STX12: variants seen among roughly 807,000 people sequenced by gnomAD.
STX12 encodes syntaxin-12.
STX12 carries 17 observed loss-of-function variants against 42.2 expected under a neutral mutation model. The observed-to-expected ratio is 0.40, with a 90% confidence interval of 0.28 to 0.60. The LOEUF is 0.60. STX12 is among the 20% of genes least tolerant of loss of function. STX12 has a pLI of 0.39. For missense variants in STX12, 297 were observed against 330.9 expected, an observed-to-expected ratio of 0.90 and a Z score of 0.79; for synonymous variants, 108 against 116.7, an observed-to-expected ratio of 0.93 and a Z score of 0.48.
At chr1:27,781,867 C>A (rs993904015) in intron 1 of STX12, among the ~76,000 whole-genome samples, 2 of 152,108 alleles carry the variant, frequency 1.3e-5, no homozygotes, top group African/African-American at 4.8e-5. Flanking sequence ...GTACATTTTT[C>A]TTGGTCTTGA....
intron 2 of STX12, among the ~76,000 whole-genome samples, chr1:27,790,712 C>T (rs556277420): frequency 5.2e-4 from 78 of 151,440 alleles, no homozygotes; most frequent in African/African-American, 1.5e-3. Flanking sequence ...GAGGCTGAGG[C>T]GGGCAGATCA....
At chr1:27,813,519 G>A (rs1260844854) in intron 6 of STX12, among the ~76,000 whole-genome samples, 8 of 152,146 alleles carry the variant, frequency 5.3e-5, no homozygotes, top group East Asian at 3.8e-4. Flanking sequence ...AGTTTTCTCC[G>A]AAGGTAGAAG....
intron 8 of STX12, among the ~76,000 whole-genome samples, chr1:27,821,410 T>C (rs191875251): frequency 4.5e-4 from 69 of 152,280 alleles, no homozygotes; most frequent in Middle Eastern, 6.8e-3. Flanking sequence ...AAAATGTTTA[T>C]ACTAAACATT....
chr1:27,773,447 G>T, intron 1 of STX12, 22 bp downstream of exon 1: 1 of 1,609,252 alleles, frequency 6.2e-7, no homozygotes, highest in Non-Finnish European at 8.5e-7. Flanking sequence ...TACCGAGCTG[G>T]GGGGCGGGAG....
At chr1:27,798,576 C>T (rs527755101) in intron 3 of STX12, among the ~76,000 whole-genome samples, 2 of 144,918 alleles carry the variant, frequency 1.4e-5, no homozygotes, top group Admixed American at 7.2e-5. Flanking sequence ...ACCCAGGAGG[C>T]GGAGGTTGCA....
chr1:27,817,098 AGAAAG>A (rs1266531274), intron 6 of STX12, among the ~76,000 whole-genome samples: 1 of 150,922 alleles, frequency 6.6e-6, no homozygotes, highest in African/African-American at 2.4e-5. Flanking sequence ...GGAAGAAAAA[AGAAAG>A]GGAGGGAGAG....
intron 7 of STX12, among the ~76,000 whole-genome samples, chr1:27,818,365 A>G (rs992870208): frequency 2.0e-5 from 3 of 151,070 alleles, no homozygotes. Flanking sequence ...TGGGTGACAG[A>G]ATGAGACTTC....
intron 4 of STX12, among the ~76,000 whole-genome samples, chr1:27,807,661 A>G (rs917168602): frequency 9.9e-5 from 15 of 152,220 alleles, no homozygotes; most frequent in Admixed American, 2.0e-4. Context: ...TCTTCAGAAC[A>G]CATGCAGACC....
rs189367978 is a variant in STX12 at position 27,804,682 on chromosome 1, G to C, written c.426+2867G>C. Reference sequence around the variant, plus strand: ...AAAAATTAGCCGGGCATGGTGGCAGGTGCCTATAATCCCAGCTACTCAGGA... The same window carrying C: ...AAAAATTAGCCGGGCATGGTGGCAGCTGCCTATAATCCCAGCTACTCAGGA... On this transcript the variant is annotated intron_variant, in intron 4 of 8. Coordinates refer to ENST00000373943, the MANE Select transcript of STX12 (RefSeq NM_177424.3). Among the ~76,000 whole-genome samples, 640 of 150,856 alleles carry C rather than the reference G, an allele frequency of 4.2e-3. 15 individuals are homozygous for C. The highest frequency in any genetic ancestry group is 0.013 in the East Asian group (67 of 5,026).
At chr1:27,785,812 C>T (rs2088695284) in intron 1 of STX12, among the ~76,000 whole-genome samples, 1 of 152,162 alleles carries the variant, frequency 6.6e-6, no homozygotes, top group Non-Finnish European at 1.5e-5. Context: ...CACCTGGGTG[C>T]CTGGCACTCT....
intron 4 of STX12, among the ~76,000 whole-genome samples, chr1:27,804,163 T>C (rs1571527482): frequency 6.6e-6 from 1 of 151,274 alleles, no homozygotes; most frequent in Non-Finnish European, 1.5e-5. Flanking sequence ...CAGTGGCTCA[T>C]GCCTGTAATC....
At chr1:27,797,689 A>T (rs2088796339) in intron 3 of STX12, among the ~76,000 whole-genome samples, 1 of 151,980 alleles carries the variant, frequency 6.6e-6, no homozygotes, top group African/African-American at 2.4e-5. Flanking sequence ...TCATGTTCTG[A>T]CATCTCCTCC....
intron 7 of STX12, among the ~76,000 whole-genome samples, chr1:27,818,819 G>A (rs2148608550): frequency 6.6e-6 from 1 of 152,018 alleles, no homozygotes; most frequent in South Asian, 2.1e-4. Context: ...GTAGAGACGG[G>A]GTTTCTCCAT....
At chr1:27,812,458 T>C (rs2088909830) in intron 6 of STX12, among the ~76,000 whole-genome samples, 190 bp downstream of exon 6, 3 of 151,740 alleles carry the variant, frequency 2.0e-5, no homozygotes, top group Admixed American at 2.0e-4. Flanking sequence ...TTTTTTTATC[T>C]TGGATGGAAT....
chr1:27,782,897 G>A (rs1037308610), intron 1 of STX12, among the ~76,000 whole-genome samples: 13 of 152,176 alleles, frequency 8.5e-5, no homozygotes, highest in Non-Finnish European at 1.9e-4. Context: ...AAAACAGAAT[G>A]TAAACCTAAT....
intron 4 of STX12, chr1:27,802,121 G>C (rs1308634942): frequency 5.6e-6 from 1 of 178,606 alleles, no homozygotes; most frequent in African/African-American, 2.4e-5. Context: ...AATATAACAG[G>C]CTAGTTTATT....
chr1:27,820,051 T>A (rs1223579919), intron 8 of STX12: 1 of 194,966 alleles, frequency 5.1e-6, no homozygotes, highest in Non-Finnish European at 1.1e-5. Flanking sequence ...TAGTAAGAAG[T>A]ACAGTTAAAG....
At chr1:27,797,010 G>C (rs2088790513) in intron 3 of STX12, among the ~76,000 whole-genome samples, 1 of 151,684 alleles carries the variant, frequency 6.6e-6, no homozygotes, top group Non-Finnish European at 1.5e-5. Flanking sequence ...TGGCCATAAA[G>C]AGTTTTTATT....
intron 1 of STX12, among the ~76,000 whole-genome samples, chr1:27,785,515 C>A (rs2088693458): frequency 6.6e-6 from 1 of 152,160 alleles, no homozygotes; most frequent in Non-Finnish European, 1.5e-5. Flanking sequence ...TTAGTTCTTA[C>A]ATAGTTGTAA....
Sources: gnomAD v4.1 joint callset for allele counts (sites outside exome capture counted in the v4.1 genomes callset) on GRCh38, gnomAD v4.1.1 for gene constraint, MANE v1.5 for transcripts, NCBI Gene and HGNC (gene_info 2026-07-23, HGNC 2026-07-21) for gene names.